P3H4: variants seen among roughly 807,000 people sequenced by gnomAD.
The protein encoded by P3H4 is endoplasmic reticulum protein SC65.
In P3H4, 47 loss-of-function variants were observed where a neutral mutation model predicts 52.9. The observed-to-expected ratio is 0.89, with a 90% confidence interval of 0.70 to 1.13. The LOEUF (loss-of-function observed/expected upper bound fraction) is 1.13. Among genes scored for constraint, P3H4 ranks in the 50% most tolerant of loss-of-function variants. The pLI is 0.00. For synonymous variants in P3H4, 256 were observed against 267.9 expected, an observed-to-expected ratio of 0.96 and a Z score of 0.44; for missense variants, 585 against 611.0, an observed-to-expected ratio of 0.96 and a Z score of 0.45.
intron 6 of P3H4, 58 bp downstream of exon 6, chr17:41,806,738 G>T: frequency 6.8e-7 from 1 of 1,461,852 alleles, no homozygotes; most frequent in South Asian, 1.2e-5. Flanking sequence ...GGTGGCCCCA[G>T]GAAAAGGTCC....
At position 41,809,739 on chromosome 17, in the gene P3H4, T is replaced by C. The variant is rs782073173; in HGVS notation, c.883A>G (p.Met295Val). The change falls in exon 4 of 8, where the codon ATG (methionine) becomes GTG (valine). Residue 295 changes from methionine (M) to valine (V), a missense_variant. Physicochemically the swap from Met to Val is conservative, Grantham distance 21. Transcript: ENST00000393928. Reference protein sequence around the residue: ...GYFVDKFVATMYHYLQFAYYK... With the variant: ...GYFVDKFVATVYHYLQFAYYK... Reference sequence around the variant, plus strand: ...TAGGCAAACTGCAGGTAGTGGTACATGGTGGCCACGAACTTGTCCACGAAG... The same window carrying C: ...TAGGCAAACTGCAGGTAGTGGTACACGGTGGCCACGAACTTGTCCACGAAG... The C allele has an allele frequency of 6.2e-7, 1 of 1,613,712 alleles. No homozygotes were observed. The highest frequency in any genetic ancestry group is 1.1e-5 in the South Asian group (1 of 91,022).
chr17:41,803,313 T>A lies in P3H4; in HGVS notation c.1265A>T (p.Asp422Val), dbSNP rs781890243. ...AGCCTCGGCCTCGTCACCCTTGGCA[T>A]CCGGCTCCTGCCACCAGTCAGCATA... Reference protein sequence around the residue: ...GMYADWWQEPDAKGDEAEAEP... With the variant: ...GMYADWWQEPVAKGDEAEAEP... Residue 422 changes from aspartate to valine, a missense_variant, in exon 7 of 8, where the codon GAT becomes GTT. Asp to Val is a radical substitution (Grantham distance 152). Transcript: ENST00000393928. The A allele has an allele frequency of 1.2e-6, 2 of 1,613,996 alleles. No homozygotes were observed. The highest frequency in any genetic ancestry group is 1.7e-6 in the Non-Finnish European group (2 of 1,179,958).
At position 41,807,855 on chromosome 17, in the gene P3H4, C is replaced by G. The variant is rs1296286838; in HGVS notation, c.1062+4G>C. 1.9e-6 allele frequency: 3 copies of G among 1,610,384 alleles called. No homozygotes were observed. In the East Asian group the frequency reaches 6.7e-5, roughly 36 times the overall value. ...CAGCAAGTGCCCCAGAAAGCAGTGC[C>G]CACCTCCCGGGGCTGGAAGTCCTCC... is the stretch of plus-strand genomic sequence containing the variant. On this transcript the variant is annotated splice_donor_region_variant and intron_variant, in intron 5 of 7. Coordinates refer to ENST00000393928, the MANE Select transcript of P3H4 (RefSeq NM_006455.3).
In P3H4 at chr17:41,802,960, T is replaced by A. The variant is rs782366640; in HGVS notation, c.1311A>T (p.Ala437=). ...EAEAEPEPEL[A] is the part of the protein sequence containing the mutation. ...AGCGGTGTGGGGTGTCCCCTTCTCA[T>A]GCGAGTTCAGGCTCTGGCTCTGAAA... The change falls in exon 8 of 8, where the codon GCA becomes GCT. Residue 437 remains alanine, a synonymous_variant. Transcript: ENST00000393928. The A allele has an allele frequency of 2.5e-6, 4 of 1,611,850 alleles. No homozygotes were observed. In the South Asian group the frequency reaches 4.4e-5, roughly 18 times the overall value.
Position 41,807,910 on chromosome 17 carries a change from C to T in P3H4, c.1011G>A (p.Arg337=), listed in dbSNP as rs1255580458. 1.2e-6 allele frequency: 2 copies of T among 1,614,158 alleles called. No individual in the cohort carries two copies. Among genetic ancestry groups the T allele is most frequent in the Admixed American group, 1.7e-5 (1 of 60,018 alleles). ...SVMQQNLVYY[R]FHRARWGLEE... ...CCAGGCCCCAGCGAGCCCGGTGGAA[C>T]CGGTAATACACCAGGTTCTGCTGCA... Residue 337 remains arginine (R), a synonymous_variant, in exon 5 of 8, where the codon CGG becomes CGA. Transcript: ENST00000393928.
In P3H4 at chr17:41,809,587, C is replaced by T. The variant is rs1444986984; in HGVS notation, c.916+119G>A. 8.8e-6 allele frequency: 11 copies of T among 1,250,136 alleles called. No homozygotes were observed. In the South Asian group the frequency reaches 1.4e-4, roughly 16 times the overall value. The allele number at this position is 1,250,136 out of a possible 1,614,324, so 77.4% of individuals were successfully genotyped here. On this transcript the variant is annotated intron_variant, in intron 4 of 7. Transcript: ENST00000393928. The stretch of plus-strand genomic sequence containing the variant: ...TTCCCACCACCCCTAGACTTTCCTC[C>T]TATCACCCAGGGTCCTCAATACTGA...
chr17:41,803,519 A>C, intron 6 of P3H4, 88 bp from the exon 7 acceptor site: 1 of 1,164,218 alleles, frequency 8.6e-7, no homozygotes, highest in Non-Finnish European at 1.2e-6. Flanking sequence ...GGGACTTCCC[A>C]TCCCATCTCT....
Position 41,806,813 on chromosome 17 carries a change from G to T in P3H4, c.1129C>A (p.Leu377Met), listed in dbSNP as rs200185932. 1 of 1,613,772 alleles carries T rather than the reference G, an allele frequency of 6.2e-7. No homozygotes were observed. The highest frequency in any genetic ancestry group is 1.7e-5 in the Admixed American group (1 of 59,990). ...GCACTCACCTCATCATCTGACTGCA[G>T]GTACATGTGGGTGAACTCCAGCAGC... ...RELLEFTHMY[L>M]QSDDEMELEE... The change falls in exon 6 of 8, where the codon CTG (leucine) becomes ATG (methionine). Residue 377 changes from leucine to methionine, a missense_variant. Coordinates refer to ENST00000393928, the MANE Select transcript of P3H4 (RefSeq NM_006455.3).
At chr17:41,809,397 G>A (rs2144025782) in intron 4 of P3H4, among the ~76,000 whole-genome samples, 1 of 152,284 alleles carries the variant, frequency 6.6e-6, no homozygotes, top group South Asian at 2.1e-4. Flanking sequence ...GCCTGGGCAA[G>A]AGTGAAACTC....
At position 41,806,868 on chromosome 17, in the gene P3H4, G is replaced by C. The variant is rs782483465; in HGVS notation, c.1074C>G (p.Leu358=). 9.3e-6 allele frequency: 15 copies of C among 1,613,662 alleles called. No homozygotes were observed. The highest frequency in any genetic ancestry group is 1.3e-5 in the Non-Finnish European group (15 of 1,179,872). The part of the protein sequence containing the change: ...EDFQPREEAM[L]YHNQTAELRE... The stretch of plus-strand genomic sequence containing the variant: ...GCAGCTCGGCGGTCTGGTTGTGGTA[G>C]AGCATGGCCTCCTGGAAGGAGGGAA... Residue 358 remains leucine (L), a synonymous_variant, in exon 6 of 8, where the codon CTC becomes CTG. Transcript: ENST00000393928.
At position 41,803,300 on chromosome 17, in the gene P3H4, G is replaced by C. The variant is rs183381640; in HGVS notation, c.1278C>G (p.Asp426Glu). 6.2e-7 allele frequency: 1 copy of C among 1,613,580 alleles called. No individual in the cohort carries two copies. ...DWWQEPDAKGDEAEAEPEPEL... is the reference protein window; with the variant it reads ...DWWQEPDAKGEEAEAEPEPEL... ...CGTGTCACTGACCAGCCTCGGCCTC[G>C]TCACCCTTGGCATCCGGCTCCTGCC... Residue 426 changes from aspartate to glutamate, a missense_variant, in exon 7 of 8, where the codon GAC (aspartate) becomes GAG (glutamate). Asp to Glu is a conservative substitution (Grantham distance 45). Coordinates refer to ENST00000393928, the MANE Select transcript of P3H4 (RefSeq NM_006455.3).
chr17:41,811,306 G>A lies in P3H4; in HGVS notation c.463-22C>T, dbSNP rs199927289. On this transcript the variant is annotated intron_variant, in intron 1 of 7. Coordinates refer to ENST00000393928, the MANE Select transcript of P3H4 (RefSeq NM_006455.3). The surrounding 1 kb of genome is among the most constrained non-coding windows in gnomAD (Gnocchi z 4.8). ...TAGCCTGGTCGGGGGGTAGGGGGTG[G>A]GGGAGCGGGTCAGCAAGACCGGAGC... 16 of 1,611,314 alleles carry A rather than the reference G, an allele frequency of 9.9e-6. No individual in the cohort carries two copies. In the African/African-American group the frequency reaches 2.0e-4, roughly 20 times the overall value.
intron 6 of P3H4, among the ~76,000 whole-genome samples, chr17:41,804,835 A>C (rs774797733): frequency 6.6e-6 from 1 of 151,886 alleles, no homozygotes; most frequent in Non-Finnish European, 1.5e-5. Context: ...TTGGCTGGAC[A>C]TGGTGGCGCA....
intron 5 of P3H4, chr17:41,807,103 C>T (rs77237766): frequency 0.082 from 45,301 of 552,064 alleles, 2,177 homozygotes; most frequent in Non-Finnish European, 0.087. Context: ...TTAGCAATGT[C>T]TGCCACTGAC....
Position 41,811,539 on chromosome 17 carries a change from A to T in P3H4, c.377T>A (p.Phe126Tyr). The change falls in exon 1 of 8, where the codon TTC becomes TAC. Residue 126 changes from phenylalanine to tyrosine, a missense_variant. Transcript: ENST00000393928. This position sits in a 1 kb window ranked among gnomAD's most constrained non-coding sequence, Gnocchi z 4.8. ...CTGCCGCGGCGGGTAGGGCACCTGG[A>T]AGGCGGGCAGCGTCCGCTTGCAGCG... ...LRRCKRTLPAFQVPYPPRQLL... is the reference protein window; with the variant it reads ...LRRCKRTLPAYQVPYPPRQLL... 1 of 1,610,706 alleles carries T rather than the reference A, an allele frequency of 6.2e-7. No individual in the cohort carries two copies. Among genetic ancestry groups the T allele is most frequent in the Non-Finnish European group, 8.5e-7 (1 of 1,179,242 alleles).
rs2047625154 is a variant in P3H4, at chr17:41,802,266, G to A, written c.*691C>T. ...GCAGGATGGGGGTCCAGTCAGCTGT[G>A]TCCATCTTAAGTTTTTTTTTTTTTT... On this transcript the variant is annotated 3_prime_UTR_variant, in exon 8 of 8. Transcript: ENST00000393928. 7.0e-6 allele frequency: 1 copy of A among 143,572 alleles called. No homozygotes were observed. The highest frequency in any genetic ancestry group is 7.8e-5 in the Admixed American group (1 of 12,850). The allele number at this position is 143,572 out of a possible 1,614,324, so 8.9% of individuals were successfully genotyped here.
At chr17:41,809,890 C>A in intron 3 of P3H4, 56 bp from the exon 4 acceptor site, 6 of 1,580,090 alleles carry the variant, frequency 3.8e-6, no homozygotes, top group Non-Finnish European at 5.2e-6. Context: ...TCTCCGTCCC[C>A]CCAGTGGAGA....
rs112635951 is a variant in P3H4 at position 41,805,389 on chromosome 17, C to T, written c.1146+1407G>A. ...TCACCCAGGCTGGAGTACAGTGGCGCGATCTCGGCTCACTGCAACCTCTGC... is the reference window on the plus strand; with the variant it reads ...TCACCCAGGCTGGAGTACAGTGGCGTGATCTCGGCTCACTGCAACCTCTGC... On this transcript the variant is annotated intron_variant, in intron 6 of 7. Coordinates refer to ENST00000393928, the MANE Select transcript of P3H4 (RefSeq NM_006455.3). 3.5e-3 allele frequency among the ~76,000 whole-genome samples: 527 copies of T among 151,982 alleles called. 6 individuals carry two copies. The highest frequency in any genetic ancestry group is 0.012 in the African/African-American group (507 of 41,472).
Position 41,811,797 on chromosome 17 carries a change from T to C in P3H4, c.119A>G (p.Tyr40Cys). 6.5e-7 allele frequency: 1 copy of C among 1,535,980 alleles called. No individual in the cohort carries two copies. Among genetic ancestry groups the C allele is most frequent in the Admixed American group, 1.9e-5 (1 of 51,378 alleles). The change falls in exon 1 of 8, where the codon TAC (tyrosine) becomes TGC (cysteine). Residue 40 changes from tyrosine (Y) to cysteine (C), a missense_variant. Coordinates refer to ENST00000393928, the MANE Select transcript of P3H4 (RefSeq NM_006455.3). The surrounding 1 kb of genome is among the most constrained non-coding windows in gnomAD (Gnocchi z 4.8). Reference protein sequence around the residue: ...PEDLMPLAAAYGHALEQYEGE... With the variant: ...PEDLMPLAAACGHALEQYEGE... ...CTCGTACTGCTCCAGAGCGTGCCCG[T>C]ACGCCGCGGCCAGCGGCATCAGGTC...
Sources: gnomAD v4.1 joint callset for allele counts (sites outside exome capture counted in the v4.1 genomes callset) on GRCh38, gnomAD v4.1.1 for gene constraint, Gnocchi (gnomAD v3.1) non-coding constraint, MANE v1.5 for transcripts, NCBI Gene and HGNC (gene_info 2026-07-23, HGNC 2026-07-21) for gene names.